GRIA4: variants seen among roughly 807,000 people sequenced by gnomAD.
GRIA4 encodes the protein glutamate ionotropic receptor AMPA type subunit 4, also known as glutamate receptor 4.
Under a neutral mutation model 104.0 loss-of-function variants are expected in GRIA4, and 34 were observed. The observed-to-expected ratio is 0.33, with a 90% CI of 0.25 to 0.44. The LOEUF (loss-of-function observed/expected upper bound fraction) is 0.44. GRIA4 is among the 20% of genes least tolerant of loss of function. The probability of loss-of-function intolerance (pLI) is 1.00; values close to 1 mark genes in which losing one functional copy is unlikely to be tolerated. For synonymous variants in GRIA4, 386 were observed against 381.9 expected, an observed-to-expected ratio of 1.01 and a Z score of -0.13; for missense variants, 750 against 1,096.5, an observed-to-expected ratio of 0.68 and a Z score of 4.46.
chr11:105,884,130 A>G (rs1359700816), intron 5 of GRIA4, among the ~76,000 whole-genome samples: 1 of 152,218 alleles, frequency 6.6e-6, no homozygotes, highest in Non-Finnish European at 1.5e-5. Flanking sequence ...TCTTTAGGAA[A>G]GGCCATAATT....
intron 4 of GRIA4, among the ~76,000 whole-genome samples, chr11:105,775,016 T>A (rs1027987239): frequency 6.6e-6 from 1 of 152,170 alleles, no homozygotes; most frequent in African/African-American, 2.4e-5. Context: ...AAGCTCCTTC[T>A]GGAGGCTCTA....
chr11:105,761,554 A>C (rs374349919), intron 4 of GRIA4, among the ~76,000 whole-genome samples: 6 of 152,180 alleles, frequency 3.9e-5, no homozygotes, highest in African/African-American at 1.4e-4. Context: ...GCTAGGACTC[A>C]ACTGCCTCTG....
intron 4 of GRIA4, among the ~76,000 whole-genome samples, chr11:105,802,483 T>C (rs1369256905): frequency 6.6e-6 from 1 of 152,138 alleles, no homozygotes; most frequent in Non-Finnish European, 1.5e-5. Context: ...TATTAGTTAA[T>C]TGAACTTTGG....
chr11:105,897,116 G>T (rs1946677861), intron 6 of GRIA4, among the ~76,000 whole-genome samples: 1 of 151,922 alleles, frequency 6.6e-6, no homozygotes, highest in South Asian at 2.1e-4. Flanking sequence ...CCTTATAGAG[G>T]TCTCTAACCT....
intron 4 of GRIA4, among the ~76,000 whole-genome samples, chr11:105,787,823 T>G (rs1461423110): frequency 2.0e-5 from 3 of 152,208 alleles, no homozygotes; most frequent in Non-Finnish European, 4.4e-5. Flanking sequence ...AACTACTGTT[T>G]GTTTCTACAT....
intron 3 of GRIA4, among the ~76,000 whole-genome samples, chr11:105,656,444 A>G (rs1591513657): frequency 6.6e-6 from 1 of 152,110 alleles, no homozygotes; most frequent in East Asian, 1.9e-4. Flanking sequence ...AAGCAATACC[A>G]TTCAGGACAT....
intron 4 of GRIA4, among the ~76,000 whole-genome samples, chr11:105,846,420 G>A (rs1944598134): frequency 6.6e-6 from 1 of 151,980 alleles, no homozygotes; most frequent in Non-Finnish European, 1.5e-5. Context: ...ATGGATCTGA[G>A]GTGGCTTAAT....
chr11:105,699,009 C>T (rs530468273), intron 3 of GRIA4, among the ~76,000 whole-genome samples: 1 of 152,310 alleles, frequency 6.6e-6, no homozygotes, highest in East Asian at 1.9e-4. Flanking sequence ...GCTGAGTTAT[C>T]CTAACTTCCT....
chr11:105,975,337 G>A (rs1172541015), intron 16 of GRIA4, among the ~76,000 whole-genome samples: 1 of 150,568 alleles, frequency 6.6e-6, no homozygotes, highest in Non-Finnish European at 1.5e-5. Flanking sequence ...AAAAATTGCA[G>A]TGAGTCATTA....
At chr11:105,949,791 A>T (rs1030661754) in intron 14 of GRIA4, among the ~76,000 whole-genome samples, 1 of 152,216 alleles carries the variant, frequency 6.6e-6, no homozygotes, top group Non-Finnish European at 1.5e-5. Flanking sequence ...TCTGAATAAA[A>T]TATAGTTAGG....
At chr11:105,653,101 C>T (rs1439272689) in intron 3 of GRIA4, among the ~76,000 whole-genome samples, 4 of 151,994 alleles carry the variant, frequency 2.6e-5, no homozygotes, top group Admixed American at 1.3e-4. Context: ...TTAGTAGAGA[C>T]GGGGTTTCAC....
At chr11:105,971,004 C>A (rs763925818) in intron 14 of GRIA4, among the ~76,000 whole-genome samples, 69 of 152,162 alleles carry the variant, frequency 4.5e-4, no homozygotes, top group Non-Finnish European at 8.8e-4. Flanking sequence ...GTAGAGGAGA[C>A]AAATAGAGTC....
intron 13 of GRIA4, among the ~76,000 whole-genome samples, chr11:105,928,538 G>T (rs1429874787): frequency 1.3e-5 from 2 of 149,874 alleles, no homozygotes; most frequent in Non-Finnish European, 1.5e-5. Flanking sequence ...GTTTATAACT[G>T]CTCCCATCCA....
intron 3 of GRIA4, among the ~76,000 whole-genome samples, chr11:105,639,039 G>A (rs909703526): frequency 2.6e-5 from 4 of 151,976 alleles, no homozygotes; most frequent in African/African-American, 7.3e-5. Context: ...CTCTTAAAAC[G>A]ATGAACCAAC....
rs561320103 is a variant in GRIA4 at position 105,915,639 on chromosome 11, G to A, written c.1270-3073G>A. 5.9e-5 allele frequency among the ~76,000 whole-genome samples: 9 copies of A among 151,994 alleles called. No individual in the cohort carries two copies. In the South Asian group the frequency reaches 1.9e-3, roughly 32 times the overall value. On this transcript the variant is annotated intron_variant, in intron 10 of 16. Coordinates refer to ENST00000282499, the MANE Select transcript of GRIA4 (RefSeq NM_000829.4). ...AGACACTATGAGAATACATTGAAAG[G>A]TTTTTATCTACACTGTTTACATAGA... is the stretch of plus-strand genomic sequence containing the variant.
At chr11:105,969,747 G>A in intron 14 of GRIA4, among the ~76,000 whole-genome samples, 1 of 152,086 alleles carries the variant, frequency 6.6e-6, no homozygotes, top group Non-Finnish European at 1.5e-5. Context: ...GAGCTTGCCT[G>A]GGGACCTAAA....
At chr11:105,680,209 C>T (rs12363110) in intron 3 of GRIA4, among the ~76,000 whole-genome samples, 48,294 of 151,988 alleles carry the variant, frequency 0.32, 8,141 homozygotes, top group South Asian at 0.4. Context: ...AGCAGAGTCT[C>T]GTAAGGACAC....
At chr11:105,620,190 A>T (rs2135269079) in intron 3 of GRIA4, among the ~76,000 whole-genome samples, 1 of 151,978 alleles carries the variant, frequency 6.6e-6, no homozygotes, top group South Asian at 2.1e-4. Flanking sequence ...TTCTCAGAAT[A>T]GTTTGCAGGA....
chr11:105,941,331 T>C (rs907991082), intron 14 of GRIA4, among the ~76,000 whole-genome samples: 1 of 152,150 alleles, frequency 6.6e-6, no homozygotes, highest in Non-Finnish European at 1.5e-5. Flanking sequence ...CAGAATGAAA[T>C]ATACTTTCAA....
Sources: gnomAD v4.1 joint callset for allele counts (sites outside exome capture counted in the v4.1 genomes callset) on GRCh38, gnomAD v4.1.1 for gene constraint, MANE v1.5 for transcripts, NCBI Gene and HGNC (gene_info 2026-07-23, HGNC 2026-07-21) for gene names.